The following SMIM17 variants were observed in gnomAD, a reference collection of about 807,000 sequenced individuals.
SMIM17 encodes the protein small integral membrane protein 17.
Under a neutral mutation model 12.2 loss-of-function variants are expected in SMIM17, and 10 were observed. That is an observed-to-expected ratio of 0.82 (90% CI 0.50 to 1.39). SMIM17 has a LOEUF of 1.39. SMIM17 is among the 40% of genes most tolerant of loss of function. SMIM17 has a pLI of 0.00. For synonymous variants in SMIM17, 50 were observed against 44.1 expected (o/e 1.13, Z -0.53); for missense variants, 136 against 118.2 (o/e 1.15, Z -0.70).
At chr19:56,650,085 T>C (rs532995904) in intron 3 of SMIM17, among the ~76,000 whole-genome samples, 2 of 152,190 alleles carry the variant, frequency 1.3e-5, no homozygotes, top group South Asian at 2.1e-4. Flanking sequence ...GTCAGAAATG[T>C]ATAGTTAGGG....
At position 56,649,725 on chromosome 19, in the gene SMIM17, C is replaced by A. The variant is rs187922107; in HGVS notation, c.246+2091C>A. On this transcript the variant is annotated intron_variant, in intron 3 of 3. Coordinates refer to ENST00000598409, the MANE Select transcript of SMIM17 (RefSeq NM_001193628.2). ...GGTACATTTGGGGAACACCAAGGGGCATGGTGGTCAGTGTGGCTGGAGGGT... is the reference window on the plus strand; with the variant it reads ...GGTACATTTGGGGAACACCAAGGGGAATGGTGGTCAGTGTGGCTGGAGGGT... 9.6e-3 allele frequency among the ~76,000 whole-genome samples: 1,447 copies of A among 151,230 alleles called. 25 individuals carry two copies. Among genetic ancestry groups the A allele is most frequent in the African/African-American group, 0.033 (1,374 of 41,172 alleles).
intron 3 of SMIM17, among the ~76,000 whole-genome samples, chr19:56,649,001 A>T (rs1396635294): frequency 6.6e-6 from 1 of 152,182 alleles, no homozygotes; most frequent in Non-Finnish European, 1.5e-5. Flanking sequence ...TGCAGGGATG[A>T]GGGCGAGGGA....
intron 1 of SMIM17, among the ~76,000 whole-genome samples, chr19:56,644,358 G>A (rs2045045991): frequency 6.6e-6 from 1 of 152,004 alleles, no homozygotes; most frequent in Non-Finnish European, 1.5e-5. Flanking sequence ...CAGACTCCCC[G>A]GCCCACACTG....
intron 3 of SMIM17, among the ~76,000 whole-genome samples, chr19:56,653,181 T>C (rs150566070): frequency 6.6e-6 from 1 of 152,332 alleles, no homozygotes; most frequent in East Asian, 1.9e-4. Context: ...TTCTGGTCCA[T>C]CTCACTCCCC....
At chr19:56,649,100 G>A (rs76422310) in intron 3 of SMIM17, among the ~76,000 whole-genome samples, 2,727 of 152,316 alleles carry the variant, frequency 0.018, 74 homozygotes, top group African/African-American at 0.062. Flanking sequence ...TGCATGCCAG[G>A]AGGTTTATTC....
intron 2 of SMIM17, among the ~76,000 whole-genome samples, 197 bp from the exon 3 acceptor site, chr19:56,647,361 G>C (rs1055557491): frequency 3.4e-5 from 5 of 148,862 alleles, no homozygotes; most frequent in Non-Finnish European, 1.5e-5. Flanking sequence ...ATGTGTGTTT[G>C]TGTGTGTGTG....
Position 56,656,044 on chromosome 19 carries a change from A to G in SMIM17, c.*831A>G, listed in dbSNP as rs926544427. Among the ~76,000 whole-genome samples, 3 of 149,750 alleles carry G rather than the reference A, an allele frequency of 2.0e-5. No homozygotes were observed. Among genetic ancestry groups the G allele is most frequent in the Non-Finnish European group, 4.4e-5 (3 of 67,826 alleles). Reference sequence around the variant, plus strand: ...TCGGCTCACTGTAAGCAGAGGGTTCATGCCATTCTCCTGCCTCAGCCTCCC... The same window carrying G: ...TCGGCTCACTGTAAGCAGAGGGTTCGTGCCATTCTCCTGCCTCAGCCTCCC... On this transcript the variant is annotated 3_prime_UTR_variant, in exon 4 of 4. Coordinates refer to ENST00000598409, the MANE Select transcript of SMIM17 (RefSeq NM_001193628.2).
rs1341235384 is a variant in SMIM17 at position 56,656,882 on chromosome 19, C to G, written c.*1669C>G. Among the ~76,000 whole-genome samples the G allele has an allele frequency of 6.6e-6, 1 of 152,174 alleles. No individual in the cohort carries two copies. Among genetic ancestry groups the G allele is most frequent in the Non-Finnish European group, 1.5e-5 (1 of 68,026 alleles). ...GCTTTTAGTGTGGCCTAGAACATGT[C>G]CATTTTTTGTAATTGTTTCACGAAC... On this transcript the variant is annotated 3_prime_UTR_variant, in exon 4 of 4. Coordinates refer to ENST00000598409, the MANE Select transcript of SMIM17 (RefSeq NM_001193628.2).
chr19:56,645,726 C>T lies in SMIM17; in HGVS notation c.59C>T (p.Thr20Ile). 10 of 1,535,810 alleles carry T rather than the reference C, an allele frequency of 6.5e-6. No homozygotes were observed. The highest frequency in any genetic ancestry group is 7.8e-6 in the Non-Finnish European group (9 of 1,146,824). ...CTGCTGGAGCCTGAGAGGACCAAGA[C>T]TCTGCTGCCTCGGGAGAGCCGGGCC... ...RGLLEPERTK[T>I]LLPRESRAWE... Residue 20 changes from threonine to isoleucine, a missense_variant, in exon 2 of 4, where the codon ACT becomes ATT. Physicochemically the swap from Thr to Ile is moderately conservative, Grantham distance 89. Transcript: ENST00000598409.
intron 3 of SMIM17, among the ~76,000 whole-genome samples, chr19:56,652,575 C>T (rs1056381675): frequency 2.8e-4 from 42 of 151,808 alleles, no homozygotes; most frequent in Non-Finnish European, 1.0e-4. Context: ...TTGCTTGAAC[C>T]CAGGAGGCAC....
rs2148046011 is a variant in SMIM17, at chr19:56,655,269, T to C, written c.*56T>C. The C allele has an allele frequency of 1.5e-6, 1 of 675,110 alleles. No individual in the cohort carries two copies. The highest frequency in any genetic ancestry group is 1.6e-5 in the South Asian group (1 of 63,230). The allele number at this position is 675,110 out of a possible 1,614,324, so 41.8% of individuals were successfully genotyped here. Reference sequence around the variant, plus strand: ...AATTTAATGAAATAGATGCCCTATGTCATGTTAAGGAATTGTGCTAGTTAA... The same window carrying C: ...AATTTAATGAAATAGATGCCCTATGCCATGTTAAGGAATTGTGCTAGTTAA... On this transcript the variant is annotated 3_prime_UTR_variant, in exon 4 of 4. Transcript: ENST00000598409.
intron 3 of SMIM17, among the ~76,000 whole-genome samples, chr19:56,650,057 A>G (rs2045097684): frequency 6.6e-6 from 1 of 152,202 alleles, no homozygotes; most frequent in Non-Finnish European, 1.5e-5. Flanking sequence ...GTTAGAGTTT[A>G]GAGGGGCAAA....
At chr19:56,646,092 G>T (rs554572439) in intron 2 of SMIM17, among the ~76,000 whole-genome samples, 1 of 152,186 alleles carries the variant, frequency 6.6e-6, no homozygotes, top group Admixed American at 6.5e-5. Flanking sequence ...GCCTGTGCTT[G>T]TCTGTGCAGC....
intron 3 of SMIM17, among the ~76,000 whole-genome samples, chr19:56,652,750 TGGACTGCCCTGGAGG>T (rs1435698706): frequency 2.0e-5 from 3 of 152,148 alleles, no homozygotes; most frequent in Admixed American, 2.0e-4. Context: ...TTGTTGGCTG[TGGACTGCCCTGGAGG>T]GCGAATTAAC....
At chr19:56,647,394 T>A (rs935512366) in intron 2 of SMIM17, among the ~76,000 whole-genome samples, 164 bp from the exon 3 acceptor site, 134 of 145,378 alleles carry the variant, frequency 9.2e-4, no homozygotes, top group Non-Finnish European at 1.1e-3. Flanking sequence ...TGTGTGTGTG[T>A]GAGAGAGAGA....
intron 3 of SMIM17, among the ~76,000 whole-genome samples, chr19:56,648,277 G>C (rs1248179405): frequency 6.9e-6 from 1 of 145,212 alleles, no homozygotes; most frequent in African/African-American, 2.6e-5. Flanking sequence ...CCATTCACCT[G>C]TCCATTCATT....
chr19:56,648,087 AT>A (rs1301370539), intron 3 of SMIM17, among the ~76,000 whole-genome samples: 1 of 149,912 alleles, frequency 6.7e-6, no homozygotes, highest in Non-Finnish European at 1.5e-5. Flanking sequence ...CCATCCATCC[AT>A]CCATCCATCC....
intron 3 of SMIM17, 96 bp downstream of exon 3, chr19:56,647,730 C>A: frequency 2.9e-6 from 3 of 1,047,432 alleles, no homozygotes; most frequent in Non-Finnish European, 4.2e-6. Context: ...ATTTACCTGC[C>A]CCATAAAAAT....
At chr19:56,643,751 G>A (rs2045041845) in intron 1 of SMIM17, among the ~76,000 whole-genome samples, 1 of 152,228 alleles carries the variant, frequency 6.6e-6, no homozygotes, top group African/African-American at 2.4e-5. Context: ...GCTTTGATCA[G>A]GGGACTTCCC....
Sources: allele counts gnomAD v4.1 joint callset (sites outside exome capture counted in the v4.1 genomes callset), GRCh38; gene constraint gnomAD v4.1.1; transcripts MANE v1.5; gene names NCBI Gene and HGNC (gene_info 2026-07-23, HGNC 2026-07-21).